SLC22A8: variants seen among roughly 807,000 people sequenced by gnomAD.
The protein encoded by SLC22A8 is solute carrier family 22 member 8.
Under a neutral mutation model 48.4 loss-of-function variants are expected in SLC22A8, and 40 were observed. That is an observed-to-expected ratio of 0.83 (90% CI 0.64 to 1.08). The LOEUF is 1.08. Among genes scored for constraint, SLC22A8 ranks in the 50% least tolerant of loss-of-function variants. SLC22A8 has a pLI of 0.00. For missense variants in SLC22A8, 606 were observed against 699.0 expected, an observed-to-expected ratio of 0.87 and a Z score of 1.50; for synonymous variants, 268 against 286.3, an observed-to-expected ratio of 0.94 and a Z score of 0.65.
chr11:63,000,127 C>T (rs953507431), intron 3 of SLC22A8, among the ~76,000 whole-genome samples: 12 of 152,242 alleles, frequency 7.9e-5, no homozygotes, highest in African/African-American at 2.9e-4. Flanking sequence ...TCTCCTCTGC[C>T]TCCACTGCTA....
At chr11:62,994,777 G>A (rs774326192) in intron 7 of SLC22A8, 21 bp from the exon 8 acceptor site, 3 of 1,599,398 alleles carry the variant, frequency 1.9e-6, no homozygotes, top group Admixed American at 3.3e-5. Flanking sequence ...GAGAAGGATT[G>A]GTTAGCACCT....
At chr11:63,004,178 A>T (rs2086529544) in intron 2 of SLC22A8, among the ~76,000 whole-genome samples, 1 of 152,196 alleles carries the variant, frequency 6.6e-6, no homozygotes, top group Non-Finnish European at 1.5e-5. Context: ...CTACCATGAT[A>T]CTTGTGATCA....
intron 2 of SLC22A8, among the ~76,000 whole-genome samples, chr11:63,014,137 G>A (rs534859173): frequency 6.6e-6 from 1 of 152,266 alleles, no homozygotes; most frequent in South Asian, 2.1e-4. Context: ...CTGCCTGTTT[G>A]GCCCTTGACT....
intron 4 of SLC22A8, chr11:62,999,457 G>A: frequency 2.1e-6 from 1 of 478,528 alleles, no homozygotes; most frequent in Non-Finnish European, 3.7e-6. Flanking sequence ...GAATGAGATT[G>A]TGTACCTAGC....
At chr11:62,996,788 T>A (rs1220263333) in intron 5 of SLC22A8, among the ~76,000 whole-genome samples, 3 of 152,230 alleles carry the variant, frequency 2.0e-5, no homozygotes, top group Non-Finnish European at 4.4e-5. Flanking sequence ...GATTGGCTCA[T>A]TCTGAGCAGT....
rs1362681258 is a variant in SLC22A8 at position 62,994,662 on chromosome 11, C to T, written c.1096G>A (p.Asp366Asn). ...YILQIIFGGV[D>N]VPAKFITILS... ...ATGGTGATGAACTTGGCTGGGACAT[C>T]GACCCCACCAAAGATGATCTGGAGG... is the stretch of plus-strand genomic sequence containing the variant. Residue 366 changes from aspartate to asparagine, a missense_variant, in exon 8 of 11, where the codon GAT becomes AAT. Physicochemically the swap from Asp to Asn is conservative, Grantham distance 23. Transcript: ENST00000336232. 8 of 1,614,050 alleles carry T rather than the reference C, an allele frequency of 5.0e-6. No individual in the cohort carries two copies. The highest frequency in any genetic ancestry group is 2.7e-5 in the African/African-American group (2 of 74,928).
rs2086408150 is a variant in SLC22A8 at position 62,995,695 on chromosome 11, G to T, written c.1001+9C>A. ...CTTGGCAGGGTGTGGGCAGGGAGAG[G>T]GGGGTTACCAGGCCAGGGAAAGACA... is the stretch of plus-strand genomic sequence containing the variant. On this transcript the variant is annotated intron_variant, in intron 7 of 10. Transcript: ENST00000336232. The T allele has an allele frequency of 1.9e-6, 3 of 1,603,858 alleles. No individual in the cohort carries two copies. The highest frequency in any genetic ancestry group is 2.6e-6 in the Non-Finnish European group (3 of 1,170,782).
intron 2 of SLC22A8, among the ~76,000 whole-genome samples, chr11:63,005,950 T>A (rs1049797549): frequency 2.6e-5 from 4 of 152,170 alleles, no homozygotes; most frequent in African/African-American, 9.7e-5. Flanking sequence ...GCTGGCTTTA[T>A]AAGGGGTGAT....
intron 2 of SLC22A8, among the ~76,000 whole-genome samples, chr11:63,008,080 A>G (rs1299281421): frequency 6.6e-6 from 1 of 152,238 alleles, no homozygotes; most frequent in Non-Finnish European, 1.5e-5. Context: ...GTAAGACAGC[A>G]TAGCCCAGCA....
chr11:63,002,594 T>G (rs922882709), intron 2 of SLC22A8, among the ~76,000 whole-genome samples: 1 of 152,004 alleles, frequency 6.6e-6, no homozygotes, highest in Non-Finnish European at 1.5e-5. Flanking sequence ...TGAATTGGAC[T>G]TTTTTTTAAA....
chr11:63,015,026 G>A (rs541775409), intron 1 of SLC22A8, 43 bp from the exon 2 acceptor site: 3 of 1,365,026 alleles, frequency 2.2e-6, no homozygotes, highest in African/African-American at 1.5e-5. Flanking sequence ...ATTTGTGCCT[G>A]GTAGTGCGTG....
intron 3 of SLC22A8, 83 bp from the exon 4 acceptor site, chr11:62,999,925 G>A: frequency 1.6e-6 from 2 of 1,216,776 alleles, no homozygotes; most frequent in Non-Finnish European, 2.2e-6. Context: ...TGGGGCAAAG[G>A]GCTGAATCCG....
intron 3 of SLC22A8, 125 bp downstream of exon 3, chr11:63,000,595 A>G: frequency 1.5e-6 from 1 of 647,814 alleles, no homozygotes; most frequent in Admixed American, 2.4e-5. Context: ...GCCCAAGGCC[A>G]CACAGCAAGA....
intron 2 of SLC22A8, among the ~76,000 whole-genome samples, chr11:63,013,593 G>A (rs138168847): frequency 1.6e-3 from 240 of 152,268 alleles, no homozygotes; most frequent in Middle Eastern, 6.8e-3. Context: ...TTGGACCCCC[G>A]TAAACATTTG....
At chr11:63,012,755 A>G (rs1363833725) in intron 2 of SLC22A8, among the ~76,000 whole-genome samples, 1 of 152,218 alleles carries the variant, frequency 6.6e-6, no homozygotes, top group Non-Finnish European at 1.5e-5. Context: ...CAAACTGCCC[A>G]TGATCCTTGA....
At chr11:62,995,990 C>G in intron 6 of SLC22A8, 39 bp downstream of exon 6, 6 of 1,612,910 alleles carry the variant, frequency 3.7e-6, no homozygotes, top group Non-Finnish European at 5.1e-6. Flanking sequence ...GAGTGGAGCA[C>G]AGGGGTTCTG....
At chr11:63,006,628 G>A (rs2086559868) in intron 2 of SLC22A8, among the ~76,000 whole-genome samples, 2 of 35,986 alleles carry the variant, frequency 5.6e-5, no homozygotes, top group Non-Finnish European at 4.9e-5. Context: ...TTTTTTTTGA[G>A]ACAGAGTCTT....
intron 2 of SLC22A8, chr11:63,001,116 C>A: frequency 2.6e-6 from 1 of 388,252 alleles, no homozygotes; most frequent in South Asian, 2.4e-5. Flanking sequence ...CTCCAAGTTG[C>A]CTGCTTCCCT....
intron 1 of SLC22A8, among the ~76,000 whole-genome samples, chr11:63,015,190 C>T (rs983615367): frequency 5.3e-5 from 8 of 152,088 alleles, no homozygotes; most frequent in African/African-American, 1.4e-4. Context: ...CCCAGCTGCA[C>T]GGAGGGCTGT....
Sources: gnomAD v4.1 joint callset for allele counts (sites outside exome capture counted in the v4.1 genomes callset) on GRCh38, gnomAD v4.1.1 for gene constraint, MANE v1.5 for transcripts, NCBI Gene and HGNC (gene_info 2026-07-23, HGNC 2026-07-21) for gene names.